CHM: variants seen among roughly 807,000 people sequenced by gnomAD.
The protein encoded by CHM is CHM Rab escort protein, also known as rab proteins geranylgeranyltransferase component A 1.
A neutral mutation model predicts 49.0 loss-of-function variants in CHM; 10 were observed. That is an observed-to-expected ratio of 0.20 (90% CI 0.13 to 0.35). The LOEUF (loss-of-function observed/expected upper bound fraction) is 0.35, where lower values mean the gene tolerates loss of function less well. CHM is among the 10% of genes least tolerant of loss of function. The pLI, the probability that CHM is intolerant of heterozygous loss-of-function variation, is 1.00. For synonymous variants in CHM, 184 were observed against 167.5 expected (o/e 1.10, Z -0.76); for missense variants, 455 against 478.4 (o/e 0.95, Z 0.46).
At chrX:85,978,720 T>A (rs1176293483) in intron 4 of CHM, 47 bp downstream of exon 4, 3 of 1,150,006 alleles carry the variant, frequency 2.6e-6, no homozygotes, top group Middle Eastern at 4.8e-4. Flanking sequence ...TAAAGAAGAG[T>A]GAAAAAGTCA....
At chrX:85,955,102 G>A (rs928171119) in intron 8 of CHM, among the ~76,000 whole-genome samples, 1 of 111,390 alleles carries the variant, frequency 9.0e-6, no homozygotes, top group African/African-American at 3.3e-5. Context: ...CCTGGGGCGG[G>A]TTTTGAGGGG....
chrX:85,887,358 A>T (rs941403984), intron 12 of CHM, among the ~76,000 whole-genome samples: 4 of 111,648 alleles, frequency 3.6e-5, no homozygotes, highest in African/African-American at 1.3e-4. Context: ...GCTGCCATCC[A>T]TGTAACACAT....
At chrX:85,934,723 G>T (rs980233287) in intron 8 of CHM, among the ~76,000 whole-genome samples, 8 of 110,184 alleles carry the variant, frequency 7.3e-5, no homozygotes, top group African/African-American at 2.6e-4. Context: ...TTGCTATTGT[G>T]AATAGTGCCA....
chrX:86,031,714 C>G (rs1356309432), intron 1 of CHM, among the ~76,000 whole-genome samples: 1 of 43,088 alleles, frequency 2.3e-5, no homozygotes, highest in Non-Finnish European at 4.4e-5. Context: ...GTGGCGCATG[C>G]CCATAATCCC....
chrX:85,903,739 T>C (rs1926422268), intron 9 of CHM: 1 of 375,481 alleles, frequency 2.7e-6, no homozygotes, highest in Non-Finnish European at 5.3e-6. Flanking sequence ...CTGTCAAGCG[T>C]GCCACTGCTA....
intron 1 of CHM, among the ~76,000 whole-genome samples, chrX:86,036,314 A>G (rs992797942): frequency 4.5e-5 from 5 of 110,737 alleles, no homozygotes; most frequent in African/African-American, 9.9e-5. Context: ...GTGGGGGGGG[A>G]AGTGCTTCCA....
intron 8 of CHM, among the ~76,000 whole-genome samples, chrX:85,951,175 C>T (rs7066440): frequency 0.23 from 25,165 of 111,078 alleles, 2,170 homozygotes; most frequent in Middle Eastern, 0.26. Context: ...ACTTAATTCA[C>T]GGAACTTCAG....
At chrX:85,986,873 T>C (rs771712236) in intron 2 of CHM, among the ~76,000 whole-genome samples, 20 of 111,216 alleles carry the variant, frequency 1.8e-4, no homozygotes, top group Non-Finnish European at 3.8e-4. Flanking sequence ...ATGAAAATCT[T>C]TGAGATTCAG....
At chrX:85,976,759 G>C (rs1931285501) in intron 4 of CHM, among the ~76,000 whole-genome samples, 1 of 110,406 alleles carries the variant, frequency 9.1e-6, no homozygotes, top group Non-Finnish European at 1.9e-5. Flanking sequence ...GTATCACATA[G>C]CAAGTCAAGG....
intron 7 of CHM, 122 bp from the exon 8 acceptor site, chrX:85,956,500 T>C: frequency 1.1e-6 from 1 of 946,266 alleles, no homozygotes; most frequent in Non-Finnish European, 1.4e-6. Context: ...GGTATTACAT[T>C]TTGGACACTG....
intron 9 of CHM, among the ~76,000 whole-genome samples, chrX:85,907,773 G>A (rs1413304714): frequency 9.0e-6 from 1 of 111,589 alleles, no homozygotes; most frequent in Admixed American, 9.5e-5. Context: ...AATGGAGAGT[G>A]CAAAGAAAAG....
rs932470867 is a variant in CHM at position 86,003,030 on chromosome X, C to G, written c.117-21221G>C. ...TAGGCAGGTGCTCCTCTGGGACAAA[C>G]CTTACAGAGGAAAGACCAGGCAGCA... On this transcript the variant is annotated intron_variant, in intron 2 of 14. Coordinates refer to ENST00000357749, the MANE Select transcript of CHM (RefSeq NM_000390.4). Among the ~76,000 whole-genome samples, 14 of 111,683 alleles carry G rather than the reference C, an allele frequency of 1.3e-4. No homozygotes were observed. The East Asian group carries it at 4.0e-3, about 32-fold the overall frequency.
At chrX:86,021,678 C>CA (rs1031522327) in intron 2 of CHM, among the ~76,000 whole-genome samples, 1 of 111,047 alleles carries the variant, frequency 9.0e-6, no homozygotes, top group Non-Finnish European at 1.9e-5. Flanking sequence ...TTAATTTATC[C>CA]AAAAAAACAG....
chrX:85,963,369 A>G (rs1930394725), intron 5 of CHM, among the ~76,000 whole-genome samples: 1 of 112,761 alleles, frequency 8.9e-6, no homozygotes, highest in Admixed American at 9.4e-5. Context: ...AAACAGGTTC[A>G]TTAGAATTTT....
At position 85,958,869 on chromosome X, in the gene CHM, C is replaced by T. The variant is rs373724118; in HGVS notation, c.811G>A (p.Val271Met). ...TRILAFREGR[V>M]EQVPCSRADV... ...CTTGATCAGCACAGTACCTGTTCCA[C>T]TCGTCCTTCTCGAAATGCAAGAATC... The change falls in exon 6 of 15, where the codon GTG becomes ATG. Residue 271 changes from valine (V) to methionine (M), a missense_variant. Transcript: ENST00000357749. 9.9e-6 allele frequency: 12 copies of T among 1,209,605 alleles called. No homozygotes were observed. In the African/African-American group the frequency reaches 2.1e-4, roughly 21 times the overall value.
intron 8 of CHM, among the ~76,000 whole-genome samples, chrX:85,922,542 C>A (rs1376929206): frequency 1.8e-5 from 2 of 112,536 alleles, no homozygotes; most frequent in African/African-American, 3.2e-5. Flanking sequence ...TTCCTATTGG[C>A]CTGAAACAGA....
intron 2 of CHM, among the ~76,000 whole-genome samples, chrX:86,013,630 G>A (rs1356115655): frequency 9.2e-6 from 1 of 108,913 alleles, no homozygotes; most frequent in Non-Finnish European, 1.9e-5. Context: ...AGCTACTCGG[G>A]AGGCTGAGGC....
chrX:85,955,868 A>G (rs1369157729), intron 8 of CHM, among the ~76,000 whole-genome samples: 1 of 112,221 alleles, frequency 8.9e-6, no homozygotes, highest in Non-Finnish European at 1.9e-5. Context: ...ACTATATAGT[A>G]ATAAAAAATT....
intron 5 of CHM, among the ~76,000 whole-genome samples, chrX:85,962,209 T>G (rs1930334481): frequency 8.9e-6 from 1 of 112,507 alleles, no homozygotes; most frequent in African/African-American, 3.2e-5. Flanking sequence ...TTAACCTATT[T>G]CATAGAGTAC....
Sources: gnomAD v4.1 joint callset for allele counts (sites outside exome capture counted in the v4.1 genomes callset) on GRCh38, gnomAD v4.1.1 for gene constraint, MANE v1.5 for transcripts, NCBI Gene and HGNC (gene_info 2026-07-23, HGNC 2026-07-21) for gene names.